Variants in PLEKHA6 observed in about 807,000 individuals in gnomAD.
The protein encoded by PLEKHA6 is pleckstrin homology domain-containing family A member 6.
A neutral mutation model predicts 116.7 loss-of-function variants in PLEKHA6; 60 were observed. That is an observed-to-expected ratio of 0.51 (90% CI 0.42 to 0.64). PLEKHA6 has a LOEUF of 0.64. Ranked by LOEUF, PLEKHA6 falls within the 30% of genes least tolerant of loss-of-function variation. The pLI is 0.00. For synonymous variants in PLEKHA6, 489 were observed against 556.1 expected (o/e 0.88, Z 1.70); for missense variants, 1,338 against 1,422.7 (o/e 0.94, Z 0.96).
intron 2 of PLEKHA6, among the ~76,000 whole-genome samples, chr1:204,274,007 C>T (rs189067251): frequency 5.1e-4 from 77 of 152,296 alleles, no homozygotes; most frequent in South Asian, 1.2e-3. Flanking sequence ...AATCAAGACT[C>T]ACCACAGCCT....
chr1:204,274,408 A>G lies in PLEKHA6; in HGVS notation c.-14+321T>C, dbSNP rs564206105. 2.0e-5 allele frequency among the ~76,000 whole-genome samples: 3 copies of G among 152,262 alleles called. No individual in the cohort carries two copies. In the South Asian group the frequency reaches 6.2e-4, roughly 32 times the overall value. ...TGAGAGGAATTAGCATTTGGCTCTC[A>G]TGATCATATCAGATTTTCTCAGCGC... On this transcript the variant is annotated intron_variant, in intron 2 of 22. Transcript: ENST00000272203.
At chr1:204,306,603 T>G (rs1572151644) in intron 1 of PLEKHA6, among the ~76,000 whole-genome samples, 1 of 152,352 alleles carries the variant, frequency 6.6e-6, no homozygotes, top group South Asian at 2.1e-4. Context: ...CATGCTGGAA[T>G]GCATAAGGAT....
At chr1:204,306,713 G>T (rs1370910804) in intron 1 of PLEKHA6, among the ~76,000 whole-genome samples, 2 of 152,184 alleles carry the variant, frequency 1.3e-5, no homozygotes, top group Non-Finnish European at 2.9e-5. Flanking sequence ...TCCAAAATGG[G>T]GGATAAACCT....
intron 1 of PLEKHA6, among the ~76,000 whole-genome samples, chr1:204,303,953 G>C (rs1368239198): frequency 6.6e-6 from 1 of 152,134 alleles, no homozygotes; most frequent in Non-Finnish European, 1.5e-5. Context: ...GAGCTCAAGC[G>C]ATCTGCCCGC....
chr1:204,303,961 C>T (rs981145034), intron 1 of PLEKHA6, among the ~76,000 whole-genome samples: 8 of 152,098 alleles, frequency 5.3e-5, no homozygotes, highest in African/African-American at 9.7e-5. Flanking sequence ...GCGATCTGCC[C>T]GCCTCAGCCT....
chr1:204,301,488 C>A, intron 1 of PLEKHA6: 2 of 985,404 alleles, frequency 2.0e-6, no homozygotes, highest in Non-Finnish European at 2.4e-6. Context: ...AGAGTCCAAA[C>A]ACGCCACCCA....
At chr1:204,328,507 C>T (rs2103259254) in intron 1 of PLEKHA6, among the ~76,000 whole-genome samples, 1 of 152,102 alleles carries the variant, frequency 6.6e-6, no homozygotes. Flanking sequence ...CCTGCCTCAG[C>T]CTCTGAGTAG....
At position 204,344,121 on chromosome 1, in the gene PLEKHA6, T is replaced by A. The variant is rs146187091; in HGVS notation, c.-95+15573A>T. On this transcript the variant is annotated intron_variant, in intron 1 of 22. Transcript: ENST00000272203. The stretch of plus-strand genomic sequence containing the variant: ...CTGGGCAACGCAGCAAGACCCTATC[T>A]CGAAAAAATAAAGAAACTTGGCCAG... 2.1e-3 allele frequency among the ~76,000 whole-genome samples: 316 copies of A among 152,004 alleles called. 1 individual carries two copies. Among genetic ancestry groups the A allele is most frequent in the African/African-American group, 7.5e-3 (309 of 41,466 alleles).
intron 1 of PLEKHA6, among the ~76,000 whole-genome samples, chr1:204,358,488 G>C (rs969998393): frequency 2.6e-5 from 4 of 152,174 alleles, no homozygotes; most frequent in African/African-American, 9.7e-5. Flanking sequence ...CAGGATTTGG[G>C]AGATTTGTAG....
chr1:204,238,803 G>A lies in PLEKHA6; in HGVS notation c.2409+2572C>T, dbSNP rs1020372573. ...CACCACCCGAAAGTAGACAGCTGCA[G>A]CACTACAGCCCCTTTCTAGGACATC... On this transcript the variant is annotated intron_variant, in intron 17 of 22. Coordinates refer to ENST00000272203, the MANE Select transcript of PLEKHA6 (RefSeq NM_014935.5). This position sits in a 1 kb window ranked among gnomAD's most constrained non-coding sequence, Gnocchi z 4.2. Among the ~76,000 whole-genome samples, 1 of 152,222 alleles carries A rather than the reference G, an allele frequency of 6.6e-6. No individual in the cohort carries two copies. Among genetic ancestry groups the A allele is most frequent in the South Asian group, 2.1e-4 (1 of 4,828 alleles).
rs1328087916 is a variant in PLEKHA6 at position 204,251,553 on chromosome 1, G to A, written c.1525-939C>T. The A allele has an allele frequency of 5.7e-6, 4 of 702,792 alleles. No individual in the cohort carries two copies. The African/African-American group carries it at 7.0e-5, about 12-fold the overall frequency. The allele number at this position is 702,792 out of a possible 1,614,324, so 43.5% of individuals were successfully genotyped here. A position where few individuals can be genotyped will look rare whatever the true frequency, so the allele number is the denominator to read the frequency against. The stretch of plus-strand genomic sequence containing the variant: ...TACTTGCATGAAGAGTTGGGACCTG[G>A]GGGAGGAGTTTTCCACCATGCGGTT... On this transcript the variant is annotated intron_variant, in intron 9 of 22. Transcript: ENST00000272203.
intron 1 of PLEKHA6, among the ~76,000 whole-genome samples, chr1:204,357,291 C>T (rs1673441407): frequency 6.6e-6 from 1 of 152,092 alleles, no homozygotes; most frequent in Admixed American, 6.6e-5. Context: ...GAGGAAGGCT[C>T]ATCTGGATGT....
At chr1:204,245,473 A>G (rs1422681678) in intron 14 of PLEKHA6, 142 bp downstream of exon 14, 4 of 616,334 alleles carry the variant, frequency 6.5e-6, no homozygotes, top group African/African-American at 5.5e-5. Context: ...CCTAGAACCC[A>G]GGGGAAGATT....
chr1:204,253,437 A>G (rs923318852), intron 9 of PLEKHA6, among the ~76,000 whole-genome samples: 10 of 152,132 alleles, frequency 6.6e-5, no homozygotes, highest in African/African-American at 9.7e-5. Flanking sequence ...AGTACTACCT[A>G]CGTGAACCCT....
intron 9 of PLEKHA6, among the ~76,000 whole-genome samples, chr1:204,254,745 C>T (rs1665050215): frequency 1.3e-5 from 2 of 152,152 alleles, no homozygotes; most frequent in Non-Finnish European, 2.9e-5. Context: ...AGGAGGCATC[C>T]AATTATTGTA....
intron 6 of PLEKHA6, 42 bp downstream of exon 6, chr1:204,264,900 C>G: frequency 7.4e-7 from 1 of 1,351,534 alleles, no homozygotes; most frequent in Non-Finnish European, 1.1e-6. Flanking sequence ...GAAGAGCAGG[C>G]CTTCCTTCCC....
At chr1:204,262,968 G>T (rs1666319534) in intron 6 of PLEKHA6, among the ~76,000 whole-genome samples, 1 of 151,924 alleles carries the variant, frequency 6.6e-6, no homozygotes, top group Admixed American at 6.5e-5. Flanking sequence ...GGGCTCGTGG[G>T]TGTGTCCTGG....
chr1:204,334,455 T>G (rs893707173), intron 1 of PLEKHA6, among the ~76,000 whole-genome samples: 2 of 152,234 alleles, frequency 1.3e-5, no homozygotes, highest in Non-Finnish European at 2.9e-5. Flanking sequence ...TTGGTCTTTT[T>G]CTATTTGATA....
intron 17 of PLEKHA6, among the ~76,000 whole-genome samples, chr1:204,231,638 G>C (rs1297004844): frequency 6.8e-6 from 1 of 148,062 alleles, no homozygotes; most frequent in Non-Finnish European, 1.5e-5. Context: ...TGCAATCATA[G>C]CTCACCACAG....
Sources: gnomAD v4.1 joint callset for allele counts (sites outside exome capture counted in the v4.1 genomes callset) on GRCh38, gnomAD v4.1.1 for gene constraint, Gnocchi (gnomAD v3.1) non-coding constraint, MANE v1.5 for transcripts, NCBI Gene and HGNC (gene_info 2026-07-23, HGNC 2026-07-21) for gene names.